POLD3: variants seen among roughly 807,000 people sequenced by gnomAD.
The protein encoded by POLD3 is DNA polymerase delta subunit 3.
A neutral mutation model predicts 58.2 loss-of-function variants in POLD3; 19 were observed. That is an observed-to-expected ratio of 0.33 (90% CI 0.23 to 0.48). The LOEUF (loss-of-function observed/expected upper bound fraction) is 0.48. POLD3 is among the 20% of genes least tolerant of loss of function. The pLI is 0.99. For missense variants in POLD3, 504 were observed against 545.5 expected, an observed-to-expected ratio of 0.92 and a Z score of 0.76; for synonymous variants, 172 against 193.5, an observed-to-expected ratio of 0.89 and a Z score of 0.92.
intron 2 of POLD3, 57 bp downstream of exon 2, chr11:74,594,173 T>C (rs1215968032): frequency 2.6e-5 from 27 of 1,049,364 alleles, no homozygotes; most frequent in Non-Finnish European, 3.7e-5. Context: ...TGTTTTGTTA[T>C]GCTTTGCTTT....
intron 7 of POLD3, among the ~76,000 whole-genome samples, chr11:74,624,622 G>A (rs1328598798): frequency 3.3e-5 from 5 of 152,168 alleles, no homozygotes; most frequent in East Asian, 1.9e-4. Context: ...TAAGTACAGC[G>A]TGAAGGCTAG....
At position 74,620,092 on chromosome 11, in the gene POLD3, A is replaced by T; in HGVS notation, c.733+3A>T. 2 of 1,599,818 alleles carry T rather than the reference A, an allele frequency of 1.3e-6. No individual in the cohort carries two copies. The highest frequency in any genetic ancestry group is 1.7e-6 in the Non-Finnish European group (2 of 1,166,944). On this transcript the variant is annotated splice_donor_region_variant and intron_variant, in intron 7 of 11. Transcript: ENST00000263681. ...CTTTTTTGGAAAAGCTGCTATGAGT[A>T]AGCATGTTCTTACCTCACTTTGACT...
At chr11:74,647,860 A>G (rs570457646), downstream of POLD3, among the ~76,000 whole-genome samples, 193 of 152,314 alleles carry the variant, frequency 1.3e-3, 1 homozygote, top group Non-Finnish European at 2.4e-3. Context: ...GAGGAGAGAG[A>G]CAGACAAATA....
intron 10 of POLD3, among the ~76,000 whole-genome samples, chr11:74,635,252 T>C (rs2032714246): frequency 1.3e-5 from 2 of 152,204 alleles, no homozygotes; most frequent in South Asian, 4.1e-4. Context: ...TCTTAATTCA[T>C]TGTGTTAAGA....
chr11:74,636,055 C>T (rs915132667), intron 10 of POLD3, 142 bp from the exon 11 acceptor site: 3 of 786,826 alleles, frequency 3.8e-6, no homozygotes, highest in Non-Finnish European at 4.0e-6. Flanking sequence ...GGTTGGTTCT[C>T]TAAAACTAAT....
In POLD3 at chr11:74,642,784, A is replaced by G. The variant is rs937450114; in HGVS notation, c.*2018A>G. The G allele has an allele frequency of 1.0e-6, 1 of 985,098 alleles. No homozygotes were observed. Among genetic ancestry groups the G allele is most frequent in the African/African-American group, 1.7e-5 (1 of 57,208 alleles). The allele number at this position is 985,098 out of a possible 1,614,324, so 61.0% of individuals were successfully genotyped here. ...ATTTGATGGATGGTAACAGTGTTGC[A>G]ATTATTTAAGCTCTGAATGGGAAGA... On this transcript the variant is annotated 3_prime_UTR_variant, in exon 12 of 12. Transcript: ENST00000263681.
At chr11:74,601,574 C>T (rs918679994) in intron 2 of POLD3, among the ~76,000 whole-genome samples, 2 of 152,052 alleles carry the variant, frequency 1.3e-5, no homozygotes, top group African/African-American at 4.8e-5. Context: ...ATCACTTGAG[C>T]GCAGGGGTTC....
chr11:74,608,829 G>C (rs1419937155), intron 3 of POLD3, among the ~76,000 whole-genome samples: 1 of 152,184 alleles, frequency 6.6e-6, no homozygotes, highest in African/African-American at 2.4e-5. Context: ...TTAGTGTGCA[G>C]TTTTACGGAA....
At chr11:74,650,305 TGG>T (rs1219229109) in intron 4 of POLD3, among the ~76,000 whole-genome samples, 1,725 of 152,302 alleles carry the variant, frequency 0.011, 28 homozygotes, top group African/African-American at 0.039. Flanking sequence ...GGAGGGCTAA[TGG>T]ACCCAGTGTT....
At chr11:74,605,805 T>G (rs1014899828) in intron 3 of POLD3, among the ~76,000 whole-genome samples, 6 of 152,198 alleles carry the variant, frequency 3.9e-5, no homozygotes, top group African/African-American at 1.4e-4. Flanking sequence ...AATGCCAGGC[T>G]GGGTACAGTG....
chr11:74,640,381 G>A (rs1407014894), intron 11 of POLD3, among the ~76,000 whole-genome samples, 183 bp from the exon 12 acceptor site: 2 of 152,158 alleles, frequency 1.3e-5, no homozygotes, highest in African/African-American at 4.8e-5. Flanking sequence ...GTGAGCTCAG[G>A]ATCCCACATA....
chr11:74,647,241 G>T (rs2033010604), downstream of POLD3, among the ~76,000 whole-genome samples: 1 of 152,226 alleles, frequency 6.6e-6, no homozygotes. Context: ...GGGACCCCTG[G>T]TATAGTACTT....
chr11:74,613,070 A>G, intron 5 of POLD3, 60 bp downstream of exon 5: 1 of 1,495,748 alleles, frequency 6.7e-7, no homozygotes, highest in Non-Finnish European at 9.1e-7. Context: ...AGATGTTTAC[A>G]CAGTGGCTGC....
chr11:74,615,829 A>G (rs2032064780), intron 5 of POLD3, among the ~76,000 whole-genome samples: 1 of 152,188 alleles, frequency 6.6e-6, no homozygotes, highest in African/African-American at 2.4e-5. Flanking sequence ...TATACCCAAA[A>G]TAGTGCCTGG....
At chr11:74,605,893 G>T (rs1006691949) in intron 3 of POLD3, among the ~76,000 whole-genome samples, 3 of 152,252 alleles carry the variant, frequency 2.0e-5, no homozygotes, top group African/African-American at 7.2e-5. Context: ...AGACCAACCT[G>T]GGCAACCTAG....
chr11:74,668,686 A>G, intron 4 of POLD3: 2 of 892,942 alleles, frequency 2.2e-6, no homozygotes, highest in South Asian at 2.8e-5. Context: ...AGAGGCCCGG[A>G]GTAGCTAGGA....
At chr11:74,619,491 A>G (rs1057083103) in intron 6 of POLD3, among the ~76,000 whole-genome samples, 1 of 152,178 alleles carries the variant, frequency 6.6e-6, no homozygotes, top group Non-Finnish European at 1.5e-5. Context: ...TTGAATTTCA[A>G]CTGTGTGCCA....
In POLD3 at chr11:74,643,015, A is replaced by T. The variant is rs1019052880; in HGVS notation, c.*2249A>T. 1.3e-6 allele frequency: 1 copy of T among 775,954 alleles called. No homozygotes were observed. The highest frequency in any genetic ancestry group is 1.6e-6 in the Non-Finnish European group (1 of 638,854). 48.1% of individuals were successfully genotyped at this position (775,954 alleles called of 1,614,324 possible). On this transcript the variant is annotated 3_prime_UTR_variant, in exon 12 of 12. Transcript: ENST00000263681. ...AGCTGTATGACTGTGGGCAAGTTTC[A>T]CAGCCTCAAGTTCTTTATCAAAATA... is the stretch of plus-strand genomic sequence containing the variant.
At chr11:74,605,914 T>C (rs1237475643) in intron 3 of POLD3, among the ~76,000 whole-genome samples, 1 of 152,060 alleles carries the variant, frequency 6.6e-6, no homozygotes, top group Non-Finnish European at 1.5e-5. Flanking sequence ...CGAAACCCCA[T>C]CTCTACAAAA....
Sources: allele counts gnomAD v4.1 joint callset (sites outside exome capture counted in the v4.1 genomes callset), GRCh38; gene constraint gnomAD v4.1.1; transcripts MANE v1.5; gene names NCBI Gene and HGNC (gene_info 2026-07-23, HGNC 2026-07-21).